The following VOPP1 variants were observed in gnomAD, a reference collection of about 807,000 sequenced individuals.
VOPP1 encodes WW domain binding protein VOPP1.
In VOPP1, 8 loss-of-function variants were observed where a neutral mutation model predicts 23.5. That is an observed-to-expected ratio of 0.34 (90% CI 0.20 to 0.61). VOPP1 has a LOEUF of 0.61. Ranked by LOEUF, VOPP1 falls within the 20% of genes least tolerant of loss-of-function variation. The probability of loss-of-function intolerance (pLI) is 0.78; values close to 1 mark genes in which losing one functional copy is unlikely to be tolerated. For synonymous variants in VOPP1, 83 were observed against 97.3 expected (o/e 0.85, Z 0.86); for missense variants, 174 against 238.1 (o/e 0.73, Z 1.77).
chr7:55,513,783 C>T (rs537309731), intron 2 of VOPP1, among the ~76,000 whole-genome samples: 2 of 152,192 alleles, frequency 1.3e-5, no homozygotes, highest in African/African-American at 4.8e-5. Flanking sequence ...CCCAGCTCTT[C>T]AAAGGGCCAC....
chr7:55,567,506 A>T (rs957176062), intron 1 of VOPP1, among the ~76,000 whole-genome samples: 2 of 152,222 alleles, frequency 1.3e-5, no homozygotes, highest in African/African-American at 4.8e-5. Flanking sequence ...AGAGCTAATC[A>T]AGTGAGCACT....
At chr7:55,443,193 G>T (rs543073171) in intron 4 of VOPP1, among the ~76,000 whole-genome samples, 13 of 152,204 alleles carry the variant, frequency 8.5e-5, no homozygotes, top group African/African-American at 3.1e-4. Flanking sequence ...GAAAATTTAG[G>T]TTCAAAAAGA....
intron 4 of VOPP1, among the ~76,000 whole-genome samples, chr7:55,440,049 G>T (rs867085819): frequency 6.6e-6 from 1 of 152,292 alleles, no homozygotes; most frequent in South Asian, 2.1e-4. Context: ...AGGTTGCGTG[G>T]TAGCCTCAGG....
chr7:55,494,772 TAA>T (rs1793832154), intron 3 of VOPP1, among the ~76,000 whole-genome samples: 1 of 152,108 alleles, frequency 6.6e-6, no homozygotes, highest in Non-Finnish European at 1.5e-5. Flanking sequence ...GAACTTATTT[TAA>T]AAGAGAGAAA....
At chr7:55,462,348 C>G (rs1052658466) in intron 4 of VOPP1, among the ~76,000 whole-genome samples, 5 of 152,106 alleles carry the variant, frequency 3.3e-5, no homozygotes, top group Admixed American at 2.6e-4. Flanking sequence ...TTTTCGGGTT[C>G]AATCTATTTG....
intron 1 of VOPP1, among the ~76,000 whole-genome samples, chr7:55,571,013 A>G (rs1283325959): frequency 6.6e-6 from 1 of 152,216 alleles, no homozygotes. Flanking sequence ...TTAAGGTACA[A>G]GCACATCTGT....
chr7:55,483,746 A>C (rs1252971745), intron 4 of VOPP1, among the ~76,000 whole-genome samples: 2 of 152,126 alleles, frequency 1.3e-5, no homozygotes, highest in Non-Finnish European at 2.9e-5. Context: ...TTTTAACACA[A>C]CATGTTGGTC....
At chr7:55,571,945 T>C (rs1047876348) in intron 1 of VOPP1, 1 of 251,106 alleles carries the variant, frequency 4.0e-6, no homozygotes. Context: ...CTCGGCCCTC[T>C]GCGGCGGGGA....
At position 55,558,044 on chromosome 7, in the gene VOPP1, G is replaced by A. The variant is rs543424273; in HGVS notation, c.54+14227C>T. Among the ~76,000 whole-genome samples the A allele has an allele frequency of 1.2e-4, 18 of 152,316 alleles. 1 individual carries two copies. The highest frequency in any genetic ancestry group is 6.5e-4 in the Admixed American group (10 of 15,300). On this transcript the variant is annotated intron_variant, in intron 1 of 4. Coordinates refer to ENST00000285279, the MANE Select transcript of VOPP1 (RefSeq NM_030796.5). Reference sequence around the variant, plus strand: ...ACCCTTCAACAGAGGGTGGAATGGCGTTGCGTGGGGTTGGGAGGAGGGGAA... The same window carrying A: ...ACCCTTCAACAGAGGGTGGAATGGCATTGCGTGGGGTTGGGAGGAGGGGAA...
chr7:55,537,417 C>T (rs781350737), intron 1 of VOPP1: 2 of 1,518,516 alleles, frequency 1.3e-6, no homozygotes, highest in Non-Finnish European at 1.8e-6. Context: ...ACATAACTGC[C>T]CACCATGCTC....
chr7:55,449,588 C>T (rs1358898178), intron 4 of VOPP1, among the ~76,000 whole-genome samples: 1 of 152,234 alleles, frequency 6.6e-6, no homozygotes, highest in African/African-American at 2.4e-5. Context: ...CGCAGGGGAA[C>T]CCTGAAGGCA....
chr7:55,473,993 G>A (rs117337937), intron 4 of VOPP1, among the ~76,000 whole-genome samples: 1,666 of 152,328 alleles, frequency 0.011, 13 homozygotes, highest in South Asian at 0.03. Flanking sequence ...AGGTACACAA[G>A]ATGTCCCAAA....
Position 55,492,299 on chromosome 7 carries a change from G to A in VOPP1, c.311C>T (p.Pro104Leu), listed in dbSNP as rs1246144888. ...PAFNVSYTRQ[P>L]PNPGPGAQQP... ...TGGCTGACCTGGGCCGGGATTTGGG[G>A]GCTGCCTGGTGTAGGACACATTGAA... Residue 104 changes from proline (P) to leucine (L), a missense_variant, in exon 4 of 5, where the codon CCC becomes CTC. Pro to Leu is a moderately conservative substitution (Grantham distance 98). Coordinates refer to ENST00000285279, the MANE Select transcript of VOPP1 (RefSeq NM_030796.5). The A allele has an allele frequency of 6.2e-7, 1 of 1,610,208 alleles. No homozygotes were observed. Among genetic ancestry groups the A allele is most frequent in the Admixed American group, 1.7e-5 (1 of 59,660 alleles).
intron 1 of VOPP1, among the ~76,000 whole-genome samples, chr7:55,557,454 A>C (rs1797847844): frequency 6.7e-6 from 1 of 149,260 alleles, no homozygotes; most frequent in African/African-American, 2.5e-5. Context: ...CTCAAACATA[A>C]GATGTTTCAA....
At position 55,503,813 on chromosome 7, in the gene VOPP1, C is replaced by T. The variant is rs139998929; in HGVS notation, c.114-6123G>A. Among the ~76,000 whole-genome samples, 173 of 152,320 alleles carry T rather than the reference C, an allele frequency of 1.1e-3. 2 individuals are homozygous for T. Among genetic ancestry groups the T allele is most frequent in the Admixed American group, 3.8e-3 (58 of 15,308 alleles). ...AGCCCTCAACAGACACCAGAGCTGA[C>T]GGAACCTTGGTCTTGGACTTCCAGC... On this transcript the variant is annotated intron_variant, in intron 2 of 4. Coordinates refer to ENST00000285279, the MANE Select transcript of VOPP1 (RefSeq NM_030796.5).
intron 4 of VOPP1, among the ~76,000 whole-genome samples, chr7:55,488,684 C>G (rs1434496430): frequency 6.6e-6 from 1 of 152,174 alleles, no homozygotes. Flanking sequence ...CACTGCCCCC[C>G]CTGCCCCAGT....
intron 1 of VOPP1, among the ~76,000 whole-genome samples, chr7:55,541,839 T>C (rs1017145158): frequency 1.3e-5 from 2 of 152,240 alleles, no homozygotes; most frequent in Non-Finnish European, 2.9e-5. Context: ...ATTCCATTTA[T>C]ATGACATGTC....
At chr7:55,504,030 G>C (rs1794545689) in intron 2 of VOPP1, among the ~76,000 whole-genome samples, 1 of 152,236 alleles carries the variant, frequency 6.6e-6, no homozygotes, top group Admixed American at 6.5e-5. Context: ...TCTGGAGATA[G>C]AGTTGGTGGG....
intron 4 of VOPP1, among the ~76,000 whole-genome samples, chr7:55,483,209 C>T (rs1183040614): frequency 6.6e-6 from 1 of 152,150 alleles, no homozygotes; most frequent in Non-Finnish European, 1.5e-5. Context: ...TCACCTATTT[C>T]ATCATTCACC....
Sources: gnomAD v4.1 joint callset for allele counts (sites outside exome capture counted in the v4.1 genomes callset) on GRCh38, gnomAD v4.1.1 for gene constraint, MANE v1.5 for transcripts, NCBI Gene and HGNC (gene_info 2026-07-23, HGNC 2026-07-21) for gene names.